Variants in AKAP6 observed in about 807,000 individuals in gnomAD.
AKAP6 encodes A-kinase anchor protein 6.
A neutral mutation model predicts 188.5 loss-of-function variants in AKAP6; 58 were observed. That is an observed-to-expected ratio of 0.31 (90% CI 0.25 to 0.38). The LOEUF (loss-of-function observed/expected upper bound fraction) is 0.38, where lower values mean the gene tolerates loss of function less well. Among genes scored for constraint, AKAP6 ranks in the 10% least tolerant of loss-of-function variants. The probability of loss-of-function intolerance (pLI) is 1.00; values close to 1 mark genes in which losing one functional copy is unlikely to be tolerated. For missense variants in AKAP6, 2,710 were observed against 2,740.0 expected (o/e 0.99, Z 0.24); for synonymous variants, 989 against 998.6 (o/e 0.99, Z 0.18).
intron 2 of AKAP6, chr14:32,495,011 T>A (rs1880234849): frequency 6.6e-6 from 1 of 152,160 alleles, no homozygotes. Flanking sequence ...AGAACTTAGG[T>A]CAGTGCCTAA....
chr14:32,453,876 C>A (rs550646568), intron 2 of AKAP6, among the ~76,000 whole-genome samples: 2 of 152,060 alleles, frequency 1.3e-5, no homozygotes, highest in East Asian at 1.9e-4. Flanking sequence ...TGAGCCACTG[C>A]GCCCGGCCGA....
intron 9 of AKAP6, among the ~76,000 whole-genome samples, chr14:32,724,419 A>G (rs908521951): frequency 1.4e-4 from 22 of 152,226 alleles, no homozygotes; most frequent in Non-Finnish European, 2.1e-4. Flanking sequence ...GGAAGTGCAT[A>G]CGCCTGATCC....
At chr14:32,818,783 G>A (rs2034450849) in intron 12 of AKAP6, among the ~76,000 whole-genome samples, 1 of 152,078 alleles carries the variant, frequency 6.6e-6, no homozygotes, top group African/African-American at 2.4e-5. Context: ...CCATCCAGAT[G>A]GCACAATTCC....
At chr14:32,334,732 C>A (rs1464815678) in intron 1 of AKAP6, among the ~76,000 whole-genome samples, 1 of 152,204 alleles carries the variant, frequency 6.6e-6, no homozygotes, top group African/African-American at 2.4e-5. Context: ...CATACAGTTT[C>A]TTCTCCACGA....
At chr14:32,757,443 T>A (rs17091663) in intron 11 of AKAP6, among the ~76,000 whole-genome samples, 13,100 of 152,166 alleles carry the variant, frequency 0.086, 1,116 homozygotes, top group East Asian at 0.38. Flanking sequence ...AGTCCATCTG[T>A]CCCTGGAATG....
intron 1 of AKAP6, among the ~76,000 whole-genome samples, chr14:32,352,254 C>CT (rs564666869): frequency 0.016 from 2,237 of 140,634 alleles, 30 homozygotes; most frequent in African/African-American, 0.033. Flanking sequence ...CCTCCCATTT[C>CT]TTTTTTTTTT....
rs182961685 is a variant in AKAP6, at chr14:32,742,719, T to A, written c.3372+6837T>A. On this transcript the variant is annotated intron_variant, in intron 11 of 13. Coordinates refer to ENST00000280979, the MANE Select transcript of AKAP6 (RefSeq NM_004274.5). ...ATTGATTTCTAGTTTTATTCCATTATGGTCAGAGAAGATGCTTGATATTAT... is the reference window on the plus strand; with the variant it reads ...ATTGATTTCTAGTTTTATTCCATTAAGGTCAGAGAAGATGCTTGATATTAT... 3.3e-5 allele frequency among the ~76,000 whole-genome samples: 5 copies of A among 152,266 alleles called. No individual in the cohort carries two copies. In the East Asian group the frequency reaches 9.6e-4, roughly 29 times the overall value.
At chr14:32,741,568 T>C (rs908636384) in intron 11 of AKAP6, among the ~76,000 whole-genome samples, 3 of 151,942 alleles carry the variant, frequency 2.0e-5, no homozygotes, top group Non-Finnish European at 2.9e-5. Context: ...ATTTTTACCA[T>C]GTAGGGATGT....
At chr14:32,627,448 A>G (rs2139439867) in intron 7 of AKAP6, among the ~76,000 whole-genome samples, 1 of 152,192 alleles carries the variant, frequency 6.6e-6, no homozygotes, top group South Asian at 2.1e-4. Context: ...ATTTGCTACC[A>G]ACTCAGCCCA....
rs949212196 is a variant in AKAP6, at chr14:32,763,503, G to T, written c.3373-10175G>T. Among the ~76,000 whole-genome samples the T allele has an allele frequency of 2.0e-5, 3 of 152,060 alleles. No homozygotes were observed. The East Asian group carries it at 5.8e-4, about 29-fold the overall frequency. ...ACAAATCTATGAGCAAAACTATTTG[G>T]AGAGAATAGTTTTGTAGTATATGAT... On this transcript the variant is annotated intron_variant, in intron 11 of 13. Transcript: ENST00000280979.
chr14:32,414,386 T>C (rs1041014391), intron 1 of AKAP6, among the ~76,000 whole-genome samples: 4 of 152,178 alleles, frequency 2.6e-5, no homozygotes, highest in African/African-American at 4.8e-5. Context: ...CATATCTCTC[T>C]TAAGGGCTGT....
intron 4 of AKAP6, among the ~76,000 whole-genome samples, chr14:32,550,426 G>A (rs1232941724): frequency 2.0e-5 from 3 of 152,200 alleles, no homozygotes; most frequent in Non-Finnish European, 4.4e-5. Flanking sequence ...TCCTTCCTCA[G>A]GCCAGCTGGA....
At chr14:32,447,358 C>G (rs1169289089) in intron 2 of AKAP6, among the ~76,000 whole-genome samples, 1 of 152,068 alleles carries the variant, frequency 6.6e-6, no homozygotes, top group Non-Finnish European at 1.5e-5. Context: ...TGACTGAATC[C>G]TCGTGTTATG....
chr14:32,821,343 A>T, intron 12 of AKAP6, 59 bp from the exon 13 acceptor site: 1 of 1,510,506 alleles, frequency 6.6e-7, no homozygotes, highest in Non-Finnish European at 8.8e-7. Context: ...TCAATGGATA[A>T]AATTTTCATG....
At chr14:32,627,183 T>G (rs903918804) in intron 7 of AKAP6, among the ~76,000 whole-genome samples, 2 of 152,166 alleles carry the variant, frequency 1.3e-5, no homozygotes, top group Non-Finnish European at 2.9e-5. Flanking sequence ...ATTCATCTTG[T>G]ATCTGTCCTT....
chr14:32,414,685 A>T (rs1229602495), intron 1 of AKAP6, among the ~76,000 whole-genome samples: 1 of 152,184 alleles, frequency 6.6e-6, no homozygotes, highest in East Asian at 1.9e-4. Flanking sequence ...GTATATAATT[A>T]ACATTTTTTT....
chr14:32,530,334 G>T (rs1173971923), intron 2 of AKAP6, among the ~76,000 whole-genome samples: 1 of 152,064 alleles, frequency 6.6e-6, no homozygotes, highest in Admixed American at 6.6e-5. Context: ...GACATTAGGG[G>T]AATTTGCCTT....
chr14:32,352,574 C>T (rs1407430745), intron 1 of AKAP6, among the ~76,000 whole-genome samples: 1 of 152,164 alleles, frequency 6.6e-6, no homozygotes, highest in African/African-American at 2.4e-5. Context: ...CTCTCTCTGT[C>T]CTCAGCCTTT....
intron 7 of AKAP6, among the ~76,000 whole-genome samples, chr14:32,673,611 T>C (rs528623267): frequency 4.4e-4 from 67 of 152,270 alleles, no homozygotes; most frequent in Non-Finnish European, 7.9e-4. Context: ...AGCAGGCACC[T>C]GTAATCCCAG....
Sources: allele counts gnomAD v4.1 joint callset (sites outside exome capture counted in the v4.1 genomes callset), GRCh38; gene constraint gnomAD v4.1.1; transcripts MANE v1.5; gene names NCBI Gene and HGNC (gene_info 2026-07-23, HGNC 2026-07-21).